The following DPP10 variants were observed in gnomAD, a reference collection of about 807,000 sequenced individuals.
The protein encoded by DPP10 is inactive dipeptidyl peptidase 10.
DPP10 carries 33 observed loss-of-function variants against 120.9 expected under a neutral mutation model. The observed-to-expected ratio is 0.27, with a 90% CI of 0.21 to 0.37. The LOEUF (loss-of-function observed/expected upper bound fraction) is 0.37, where lower values mean the gene tolerates loss of function less well. Among genes scored for constraint, DPP10 ranks in the 10% least tolerant of loss-of-function variants. The pLI, the probability that DPP10 is intolerant of heterozygous loss-of-function variation, is 1.00. For missense variants in DPP10, 816 were observed against 942.8 expected (o/e 0.87, Z 1.76); for synonymous variants, 337 against 326.1 (o/e 1.03, Z -0.36).
At chr2:114,685,783 T>G (rs184261324) in intron 1 of DPP10, among the ~76,000 whole-genome samples, 1 of 152,086 alleles carries the variant, frequency 6.6e-6, no homozygotes, top group East Asian at 1.9e-4. Flanking sequence ...TCTCCATCAC[T>G]TGCCACCTTA....
intron 3 of DPP10, among the ~76,000 whole-genome samples, chr2:115,387,460 T>G (rs2067023158): frequency 6.6e-6 from 1 of 152,214 alleles, no homozygotes; most frequent in Non-Finnish European, 1.5e-5. Context: ...CAAACTATTA[T>G]TATCATATCA....
At chr2:115,315,625 G>A (rs1400988670) in intron 2 of DPP10, among the ~76,000 whole-genome samples, 1 of 152,100 alleles carries the variant, frequency 6.6e-6, no homozygotes, top group Non-Finnish European at 1.5e-5. Context: ...TTTTAGATTT[G>A]TACTACTTGT....
At chr2:115,235,362 C>T (rs1559288739) in intron 1 of DPP10, among the ~76,000 whole-genome samples, 1 of 152,094 alleles carries the variant, frequency 6.6e-6, no homozygotes, top group Non-Finnish European at 1.5e-5. Flanking sequence ...TTACTGAGTA[C>T]AGATCTCTTC....
intron 1 of DPP10, among the ~76,000 whole-genome samples, chr2:114,891,333 A>T (rs1692526329): frequency 6.6e-6 from 1 of 152,222 alleles, no homozygotes; most frequent in Non-Finnish European, 1.5e-5. Flanking sequence ...ATCCTGTGAC[A>T]AATGCTGTTT....
At chr2:115,556,921 G>T (rs1189468492) in intron 5 of DPP10, among the ~76,000 whole-genome samples, 1 of 152,092 alleles carries the variant, frequency 6.6e-6, no homozygotes, top group Non-Finnish European at 1.5e-5. Context: ...GCCAAATTAG[G>T]TGAGGATAAT....
chr2:114,964,380 A>G (rs1245400050), intron 1 of DPP10, among the ~76,000 whole-genome samples: 1 of 152,136 alleles, frequency 6.6e-6, no homozygotes, highest in Non-Finnish European at 1.5e-5. Context: ...GAAACGTAAA[A>G]CGAAATGCTG....
At chr2:115,229,689 C>CCTATTCTATTCTATTCTATT (rs58625775) in intron 1 of DPP10, among the ~76,000 whole-genome samples, 97 of 139,810 alleles carry the variant, frequency 6.9e-4, no homozygotes, top group East Asian at 8.5e-4. Context: ...TCTGAGTTCT[C>CCTATTCTATTCTATTCTATT]CTATTCTATT....
chr2:115,458,804 CAT>C (rs1378054129), intron 3 of DPP10, among the ~76,000 whole-genome samples: 1 of 152,056 alleles, frequency 6.6e-6, no homozygotes, highest in Non-Finnish European at 1.5e-5. Flanking sequence ...GTATGTGTCA[CAT>C]GTTTATATGT....
At chr2:115,483,475 C>CTATCTATCTA (rs556720925) in intron 3 of DPP10, among the ~76,000 whole-genome samples, 9 of 84,904 alleles carry the variant, frequency 1.1e-4, no homozygotes, top group East Asian at 4.0e-4. Flanking sequence ...ATCTATCTAT[C>CTATCTATCTA]TATCTGTATG....
rs577255769 is a variant in DPP10, at chr2:115,381,979, G to T, written c.271+38067G>T. On this transcript the variant is annotated intron_variant, in intron 3 of 25. Transcript: ENST00000410059. The stretch of plus-strand genomic sequence containing the variant: ...AAAGCTGTCAGACAGGGACATTTAC[G>T]TCTGCAGAGGTTACTGCTGTCTTTT... Among the ~76,000 whole-genome samples the T allele has an allele frequency of 5.9e-3, 904 of 152,252 alleles. 4 individuals carry two copies. The highest frequency in any genetic ancestry group is 6.6e-3 in the Non-Finnish European group (446 of 68,008).
intron 1 of DPP10, among the ~76,000 whole-genome samples, chr2:114,553,190 C>T (rs114172373): frequency 0.02 from 3,012 of 152,316 alleles, 106 homozygotes; most frequent in African/African-American, 0.068. Flanking sequence ...CAAGGACATC[C>T]TTTATGCCGG....
intron 2 of DPP10, among the ~76,000 whole-genome samples, chr2:115,316,180 T>C (rs1221472823): frequency 6.6e-6 from 1 of 152,176 alleles, no homozygotes; most frequent in Non-Finnish European, 1.5e-5. Flanking sequence ...ATTGCATAGA[T>C]ACTATTCATT....
intron 1 of DPP10, among the ~76,000 whole-genome samples, chr2:114,508,791 C>T (rs1683893074): frequency 6.6e-6 from 1 of 152,088 alleles, no homozygotes; most frequent in African/African-American, 2.4e-5. Context: ...GTTAGCTTGT[C>T]CCCATCTCAT....
chr2:115,690,096 G>A (rs180707302), intron 7 of DPP10, among the ~76,000 whole-genome samples, 175 bp downstream of exon 7: 2 of 152,134 alleles, frequency 1.3e-5, no homozygotes, highest in South Asian at 2.1e-4. Context: ...AATGATACTA[G>A]TATTATTTTA....
chr2:115,273,024 ACT>A (rs2059763968), intron 1 of DPP10, among the ~76,000 whole-genome samples: 1 of 148,942 alleles, frequency 6.7e-6, no homozygotes, highest in African/African-American at 2.6e-5. Flanking sequence ...TTCAGGAAAA[ACT>A]TTTTTTTTTT....
chr2:114,921,952 ACTTT>A (rs1695227142), intron 1 of DPP10, among the ~76,000 whole-genome samples: 2 of 152,142 alleles, frequency 1.3e-5, no homozygotes, highest in South Asian at 2.1e-4. Flanking sequence ...CTACTCTACT[ACTTT>A]TTGAGGTTTA....
intron 1 of DPP10, among the ~76,000 whole-genome samples, chr2:114,681,337 G>A (rs1004211484): frequency 6.6e-6 from 1 of 151,902 alleles, no homozygotes; most frequent in Non-Finnish European, 1.5e-5. Flanking sequence ...AAGGAAATCC[G>A]CAACTCTCAA....
chr2:115,621,645 C>T (rs1457666505), intron 5 of DPP10, among the ~76,000 whole-genome samples: 1 of 152,032 alleles, frequency 6.6e-6, no homozygotes, highest in Non-Finnish European at 1.5e-5. Context: ...AAACATTCTA[C>T]CTGTTATTAA....
At chr2:114,561,662 T>TC (rs751453397) in intron 1 of DPP10, among the ~76,000 whole-genome samples, 57 of 152,226 alleles carry the variant, frequency 3.7e-4, no homozygotes, top group Middle Eastern at 3.4e-3. Context: ...TTTTTTTTTT[T>TC]CCCAATTAGA....
Sources: gnomAD v4.1 joint callset for allele counts (sites outside exome capture counted in the v4.1 genomes callset) on GRCh38, gnomAD v4.1.1 for gene constraint, MANE v1.5 for transcripts, NCBI Gene and HGNC (gene_info 2026-07-23, HGNC 2026-07-21) for gene names.